TNFSF4: variants seen among roughly 807,000 people sequenced by gnomAD.
The protein encoded by TNFSF4 is tumor necrosis factor ligand superfamily member 4.
TNFSF4 carries 4 observed loss-of-function variants against 7.3 expected under a neutral mutation model. The ratio of observed to expected loss-of-function variants is 0.55; its 90% CI spans 0.27 to 1.25. TNFSF4 has a LOEUF of 1.25. TNFSF4 is among the 50% of genes most tolerant of loss of function. TNFSF4 has a pLI of 0.12. For synonymous variants in TNFSF4, 76 were observed against 83.7 expected (o/e 0.91, Z 0.50); for missense variants, 181 against 208.8 (o/e 0.87, Z 0.82).
At chr1:173,365,064 G>A in the TNFSF4 span, among the ~76,000 whole-genome samples, 46 of 149,834 alleles carry the variant, frequency 3.1e-4, no homozygotes, top group Non-Finnish European at 5.2e-4. Flanking sequence ...TCCAGCCTGG[G>A]AAACAGTGTG....
At chr1:173,330,004 T>G in the TNFSF4 span, among the ~76,000 whole-genome samples, 26 of 152,302 alleles carry the variant, frequency 1.7e-4, no homozygotes, top group African/African-American at 6.0e-4. Context: ...TTGTGTAATG[T>G]AAACAGATCA....
the TNFSF4 span, among the ~76,000 whole-genome samples, chr1:173,307,350 A>G: frequency 6.6e-6 from 1 of 152,054 alleles, no homozygotes; most frequent in South Asian, 2.1e-4. Flanking sequence ...AAAAGCAGTC[A>G]AACCCAAATT....
At chr1:173,324,030 C>T in the TNFSF4 span, among the ~76,000 whole-genome samples, 2 of 152,088 alleles carry the variant, frequency 1.3e-5, no homozygotes, top group Non-Finnish European at 2.9e-5. Context: ...AGATACTCCT[C>T]GAGAAGAGCA....
the TNFSF4 span, among the ~76,000 whole-genome samples, chr1:173,296,691 G>A: frequency 1.3e-5 from 2 of 151,974 alleles, no homozygotes; most frequent in South Asian, 2.1e-4. Flanking sequence ...ACTTCCTACT[G>A]TGTTAGTGGA....
the TNFSF4 span, among the ~76,000 whole-genome samples, chr1:173,304,618 T>C: frequency 6.6e-6 from 1 of 151,930 alleles, no homozygotes; most frequent in Non-Finnish European, 1.5e-5. Context: ...TCTCAGTAAA[T>C]TGACAAAGAA....
chr1:173,366,945 T>A, the TNFSF4 span, among the ~76,000 whole-genome samples: 3 of 152,212 alleles, frequency 2.0e-5, no homozygotes, highest in Non-Finnish European at 2.9e-5. Flanking sequence ...GATCTTTGTA[T>A]TCTGGGCCCT....
At chr1:173,346,396 C>T in the TNFSF4 span, among the ~76,000 whole-genome samples, 1 of 152,048 alleles carries the variant, frequency 6.6e-6, no homozygotes, top group East Asian at 1.9e-4. Flanking sequence ...AATTCTGTAC[C>T]CACTCCCATA....
the TNFSF4 span, among the ~76,000 whole-genome samples, chr1:173,336,095 G>A: frequency 6.6e-6 from 1 of 152,176 alleles, no homozygotes; most frequent in Admixed American, 6.5e-5. Context: ...GATATACTCA[G>A]TAGCTCACCA....
the TNFSF4 span, among the ~76,000 whole-genome samples, chr1:173,444,169 C>A: frequency 1.4e-3 from 212 of 152,220 alleles, 4 homozygotes; most frequent in Admixed American, 2.1e-3. Flanking sequence ...CCTTTGCATA[C>A]CAACACCCAC....
chr1:173,367,422 A>AC, the TNFSF4 span, among the ~76,000 whole-genome samples: 1 of 152,322 alleles, frequency 6.6e-6, no homozygotes, highest in African/African-American at 2.4e-5. Context: ...ATAATTCACT[A>AC]CACGTGGAAA....
the TNFSF4 span, among the ~76,000 whole-genome samples, chr1:173,398,981 G>C: frequency 6.6e-6 from 1 of 152,056 alleles, no homozygotes; most frequent in South Asian, 2.1e-4. Flanking sequence ...GAAAGCTCTC[G>C]GCCTCCTACT....
At chr1:173,200,831 C>T (rs1010950422) in intron 1 of TNFSF4, among the ~76,000 whole-genome samples, 3 of 152,192 alleles carry the variant, frequency 2.0e-5, no homozygotes, top group Non-Finnish European at 4.4e-5. Flanking sequence ...GGCTCTCTAA[C>T]CACAAGATCT....
the TNFSF4 span, among the ~76,000 whole-genome samples, chr1:173,252,061 G>C: frequency 6.6e-6 from 1 of 152,094 alleles, no homozygotes; most frequent in Non-Finnish European, 1.5e-5. Context: ...TATGTTAATA[G>C]ATGGTTTTAG....
the TNFSF4 span, among the ~76,000 whole-genome samples, chr1:173,253,594 G>A: frequency 2.6e-3 from 391 of 152,256 alleles, 1 homozygote; most frequent in Non-Finnish European, 3.7e-3. Flanking sequence ...ATTCTTGCCT[G>A]GTAACAAAGA....
the TNFSF4 span, among the ~76,000 whole-genome samples, chr1:173,442,791 T>C: frequency 6.6e-6 from 1 of 152,006 alleles, no homozygotes; most frequent in Non-Finnish European, 1.5e-5. Flanking sequence ...ACTCGTGATC[T>C]GCTCGCCTCG....
At chr1:173,334,385 C>T in the TNFSF4 span, among the ~76,000 whole-genome samples, 7 of 152,158 alleles carry the variant, frequency 4.6e-5, no homozygotes, top group Admixed American at 2.0e-4. Context: ...ATGACATTCG[C>T]CACTTGATCC....
chr1:173,375,998 C>T, the TNFSF4 span, among the ~76,000 whole-genome samples: 1 of 152,184 alleles, frequency 6.6e-6, no homozygotes, highest in African/African-American at 2.4e-5. Context: ...AGCCAACCCT[C>T]TCTGTGCTTG....
At chr1:173,178,513 T>C in the TNFSF4 span, among the ~76,000 whole-genome samples, 1 of 152,094 alleles carries the variant, frequency 6.6e-6, no homozygotes, top group Non-Finnish European at 1.5e-5. Flanking sequence ...AGCAGAGCTT[T>C]CAGGGAGCTG....
chr1:173,407,725 T>C, the TNFSF4 span, among the ~76,000 whole-genome samples: 1 of 151,632 alleles, frequency 6.6e-6, no homozygotes, highest in African/African-American at 2.4e-5. Flanking sequence ...TGTGTGTGTG[T>C]GTGTCCTAGC....
Sources: gnomAD v4.1 joint callset for allele counts (sites outside exome capture counted in the v4.1 genomes callset) on GRCh38, gnomAD v4.1.1 for gene constraint, MANE v1.5 for transcripts, NCBI Gene and HGNC (gene_info 2026-07-23, HGNC 2026-07-21) for gene names.